The following HDGFL3 variants were observed in gnomAD, a reference collection of about 807,000 sequenced individuals.
The protein encoded by HDGFL3 is HDGF like 3, also known as hepatoma-derived growth factor-related protein 3.
Under a neutral mutation model 27.6 loss-of-function variants are expected in HDGFL3, and 6 were observed. The ratio of observed to expected loss-of-function variants is 0.22; its 90% CI spans 0.12 to 0.43. The LOEUF is 0.43. Among genes scored for constraint, HDGFL3 ranks in the 20% least tolerant of loss-of-function variants. The probability of loss-of-function intolerance (pLI) is 1.00; values close to 1 mark genes in which losing one functional copy is unlikely to be tolerated. For missense variants in HDGFL3, 207 were observed against 250.1 expected, an observed-to-expected ratio of 0.83 and a Z score of 1.16; for synonymous variants, 88 against 88.9, an observed-to-expected ratio of 0.99 and a Z score of 0.05.
At chr15:83,139,890 A>G (rs986910844) in intron 5 of HDGFL3, among the ~76,000 whole-genome samples, 34 of 152,188 alleles carry the variant, frequency 2.2e-4, no homozygotes, top group African/African-American at 8.2e-4. Flanking sequence ...TTGTTTCATA[A>G]AAGAATTATG....
intron 1 of HDGFL3, chr15:83,185,873 C>T (rs2037435361): frequency 6.6e-6 from 1 of 152,244 alleles, no homozygotes; most frequent in African/African-American, 2.4e-5. Context: ...GATTAGGTTA[C>T]AAAAAACTAT....
chr15:83,207,435 G>C lies in HDGFL3; in HGVS notation c.-21C>G, dbSNP rs373037286. ...GCCATCCCAGCCGCTCCCCTTCCTG[G>C]TAGTCCTTGGTCGCCGCGAAGATGC... On this transcript the variant is annotated 5_prime_UTR_variant, in exon 1 of 6. Coordinates refer to ENST00000299633, the MANE Select transcript of HDGFL3 (RefSeq NM_016073.4). This position sits in a 1 kb window ranked among gnomAD's most constrained non-coding sequence, Gnocchi z 4.8. 294 of 1,289,980 alleles carry C rather than the reference G, an allele frequency of 2.3e-4. No individual in the cohort carries two copies. Among genetic ancestry groups the C allele is most frequent in the Non-Finnish European group, 2.7e-4 (275 of 1,010,562 alleles). 79.9% of individuals were successfully genotyped at this position (1,289,980 alleles called of 1,614,324 possible).
intron 1 of HDGFL3, among the ~76,000 whole-genome samples, chr15:83,188,466 G>C (rs1458898883): frequency 6.6e-6 from 1 of 152,134 alleles, no homozygotes; most frequent in Non-Finnish European, 1.5e-5. Context: ...TTGTTGGCCA[G>C]GTTGAACTCC....
At chr15:83,124,420 A>G (rs2035548076), downstream of HDGFL3, among the ~76,000 whole-genome samples, 1 of 152,112 alleles carries the variant, frequency 6.6e-6, no homozygotes, top group African/African-American at 2.4e-5. Flanking sequence ...TCATTTCAAG[A>G]AAAAAAGTGG....
chr15:83,195,932 C>A (rs1039249275), intron 1 of HDGFL3, among the ~76,000 whole-genome samples: 1 of 151,848 alleles, frequency 6.6e-6, no homozygotes, highest in Admixed American at 6.6e-5. Flanking sequence ...TAATATCCAA[C>A]GAAGTACTAT....
At chr15:83,147,681 A>G (rs551905886) in intron 5 of HDGFL3, among the ~76,000 whole-genome samples, 1 of 152,338 alleles carries the variant, frequency 6.6e-6, no homozygotes, top group South Asian at 2.1e-4. Context: ...GGATCAGAGA[A>G]AAAAGGAAGG....
At chr15:83,156,103 TC>T (rs1221958163) in intron 4 of HDGFL3, among the ~76,000 whole-genome samples, 2 of 152,170 alleles carry the variant, frequency 1.3e-5, no homozygotes, top group Non-Finnish European at 2.9e-5. Flanking sequence ...TGCCAGCCTT[TC>T]CCCCTTGGTC....
chr15:83,127,551 C>A, downstream of HDGFL3: 1 of 1,554,556 alleles, frequency 6.4e-7, no homozygotes, highest in Non-Finnish European at 8.8e-7. Flanking sequence ...AAAAACTTCT[C>A]TGCTCAGTGT....
At chr15:83,190,290 T>C (rs557104113) in intron 1 of HDGFL3, among the ~76,000 whole-genome samples, 114 of 152,004 alleles carry the variant, frequency 7.5e-4, no homozygotes, top group Non-Finnish European at 1.3e-3. Context: ...CTTGTACATA[T>C]CTTCTGTTAT....
At chr15:83,176,781 C>A (rs1411337435) in intron 1 of HDGFL3, among the ~76,000 whole-genome samples, 1 of 151,944 alleles carries the variant, frequency 6.6e-6, no homozygotes, top group Admixed American at 6.6e-5. Flanking sequence ...TAACATGCAT[C>A]TCCTCAAACT....
rs1040003645 is a variant in HDGFL3 at position 83,207,115 on chromosome 15, C to A, written c.84+216G>T. On this transcript the variant is annotated intron_variant, in intron 1 of 5. Coordinates refer to ENST00000299633, the MANE Select transcript of HDGFL3 (RefSeq NM_016073.4). This position sits in a 1 kb window ranked among gnomAD's most constrained non-coding sequence, Gnocchi z 4.8. Reference sequence around the variant, plus strand: ...GGCCGGACCCGCCTTCGAAAGTGGGCGGAAGGATGGCCGCCCTGGCGGAGT... The same window carrying A: ...GGCCGGACCCGCCTTCGAAAGTGGGAGGAAGGATGGCCGCCCTGGCGGAGT... Among the ~76,000 whole-genome samples the A allele has an allele frequency of 1.3e-5, 2 of 152,296 alleles. No homozygotes were observed. Among genetic ancestry groups the A allele is most frequent in the Admixed American group, 1.3e-4 (2 of 15,304 alleles).
intron 1 of HDGFL3, among the ~76,000 whole-genome samples, chr15:83,200,446 A>AGTGTGGCTTT (rs2037631129): frequency 1.3e-5 from 2 of 152,232 alleles, no homozygotes; most frequent in African/African-American, 2.4e-5. Flanking sequence ...TCACTATTAT[A>AGTGTGGCTTT]AAGCCACAAA....
chr15:83,125,860 A>G (rs1415818236), downstream of HDGFL3, among the ~76,000 whole-genome samples: 2 of 152,182 alleles, frequency 1.3e-5, no homozygotes, highest in Non-Finnish European at 2.9e-5. Context: ...GTGAAATGTC[A>G]AGAAACTTTC....
At chr15:83,148,363 T>C (rs1226608628) in intron 5 of HDGFL3, among the ~76,000 whole-genome samples, 49 of 152,080 alleles carry the variant, frequency 3.2e-4, no homozygotes. Context: ...GGCTCACACC[T>C]GTAATCCCAG....
At chr15:83,198,054 C>CAAAAAAAAAAAAAAAAAAAAAAAAAAAA (rs766372255) in intron 1 of HDGFL3, among the ~76,000 whole-genome samples, 1 of 57,598 alleles carries the variant, frequency 1.7e-5, no homozygotes, top group African/African-American at 9.6e-5. Flanking sequence ...GACTCCGTCT[C>CAAAAAAAAAAAAAAAAAAAAAAAAAAAA]AAAAAAAAAA....
At chr15:83,169,246 T>C (rs2037212049) in intron 1 of HDGFL3, 1 of 445,906 alleles carries the variant, frequency 2.2e-6, no homozygotes, top group Non-Finnish European at 4.5e-6. Context: ...TTCAACATAG[T>C]ACTGGAATGC....
At chr15:83,142,017 A>AT (rs776115683) in intron 5 of HDGFL3, among the ~76,000 whole-genome samples, 19 of 152,218 alleles carry the variant, frequency 1.2e-4, no homozygotes, top group Non-Finnish European at 2.5e-4. Flanking sequence ...AAGTCAAAAA[A>AT]TAACAGATGC....
intron 1 of HDGFL3, among the ~76,000 whole-genome samples, chr15:83,193,885 T>TG (rs958002509): frequency 3.3e-5 from 5 of 152,216 alleles, no homozygotes; most frequent in African/African-American, 7.2e-5. Flanking sequence ...GCACTCTGCA[T>TG]GGGGCAGTAC....
intron 5 of HDGFL3, among the ~76,000 whole-genome samples, chr15:83,149,221 A>G (rs532145468): frequency 6.6e-6 from 1 of 152,348 alleles, no homozygotes; most frequent in African/African-American, 2.4e-5. Context: ...TAAATGAGAT[A>G]ATGAATGCAG....
Sources: gnomAD v4.1 joint callset for allele counts (sites outside exome capture counted in the v4.1 genomes callset) on GRCh38, gnomAD v4.1.1 for gene constraint, Gnocchi (gnomAD v3.1) non-coding constraint, MANE v1.5 for transcripts, NCBI Gene and HGNC (gene_info 2026-07-23, HGNC 2026-07-21) for gene names.